The following MADD variants were observed in gnomAD, a reference collection of about 807,000 sequenced individuals.
MADD encodes the protein MAP kinase-activating death domain protein.
In MADD, 109 loss-of-function variants were observed where a neutral mutation model predicts 176.7. The observed-to-expected ratio is 0.62, with a 90% CI of 0.53 to 0.72. MADD has a LOEUF of 0.72. Ranked by LOEUF, MADD falls within the 30% of genes least tolerant of loss-of-function variation. The pLI, the probability that MADD is intolerant of heterozygous loss-of-function variation, is 0.00. For missense variants in MADD, 1,914 were observed against 2,045.5 expected, an observed-to-expected ratio of 0.94 and a Z score of 1.24; for synonymous variants, 771 against 771.3, an observed-to-expected ratio of 1.00 and a Z score of 0.01.
At chr11:47,296,088 T>TAA in intron 22 of MADD, 33 bp downstream of exon 24, 1 of 1,604,988 alleles carries the variant, frequency 6.2e-7, no homozygotes, top group South Asian at 1.1e-5. Context: ...AGAAAACCAT[T>TAA]TCTTTAATGG....
chr11:47,271,275 T>G (rs1051710905), intron 1 of MADD: 2 of 152,124 alleles, frequency 1.3e-5, no homozygotes, highest in Non-Finnish European at 2.9e-5. Flanking sequence ...GGATTTAGTC[T>G]TTAGAGGAGT....
intron 12 of MADD, 119 bp downstream of exon 12, chr11:47,284,684 C>T: frequency 1.5e-6 from 2 of 1,361,168 alleles, no homozygotes; most frequent in African/African-American, 1.5e-5. Flanking sequence ...TCATCTTCCT[C>T]TTCATGGGCC....
intron 31 of MADD, chr11:47,328,438 G>A: frequency 7.0e-7 from 1 of 1,434,854 alleles, no homozygotes; most frequent in Non-Finnish European, 9.1e-7. Flanking sequence ...GATGACAGAG[G>A]CCTAGCTGAG....
At chr11:47,326,478 T>G in intron 30 of MADD, 66 bp from the exon 34 acceptor site, 1 of 1,275,048 alleles carries the variant, frequency 7.8e-7, no homozygotes, top group Non-Finnish European at 1.0e-6. Flanking sequence ...AGCAGGGCCT[T>G]CGGGTTGGGT....
chr11:47,324,907 TC>T, intron 30 of MADD: 1 of 602,560 alleles, frequency 1.7e-6, no homozygotes, highest in Admixed American at 2.9e-5. Context: ...TCTGCCTTCC[TC>T]TATTCCCAGG....
intron 19 of MADD, chr11:47,292,562 G>A: frequency 6.2e-7 from 1 of 1,613,940 alleles, no homozygotes; most frequent in South Asian, 1.1e-5. Context: ...ACAAGCACCA[G>A]GAAGTGAAAA....
intron 32 of MADD, 139 bp downstream of exon 36, chr11:47,328,843 C>A: frequency 2.6e-6 from 3 of 1,153,896 alleles, no homozygotes; most frequent in Non-Finnish European, 3.8e-6. Flanking sequence ...TCAACTCAGG[C>A]TGAAACAGGT....
intron 27 of MADD, among the ~76,000 whole-genome samples, chr11:47,320,961 C>A (rs1330769433): frequency 6.6e-6 from 1 of 152,042 alleles, no homozygotes; most frequent in East Asian, 1.9e-4. Context: ...ATTGAATATC[C>A]TTGAACATAT....
At chr11:47,312,980 G>A (rs2090672023) in intron 26 of MADD, among the ~76,000 whole-genome samples, 1 of 152,122 alleles carries the variant, frequency 6.6e-6, no homozygotes, top group Admixed American at 6.6e-5. Context: ...TTTGTTCATT[G>A]AACATCATTT....
In MADD at chr11:47,317,290, G is replaced by C. The variant is rs118014967; in HGVS notation, c.4197+1963G>C. Among the ~76,000 whole-genome samples the C allele has an allele frequency of 2.6e-4, 39 of 152,256 alleles. No individual in the cohort carries two copies. The East Asian group carries it at 4.2e-3, about 17-fold the overall frequency. On this transcript the variant is annotated intron_variant, in intron 27 of 32. Coordinates refer to ENST00000402192, the Ensembl canonical transcript of MADD. ...ATAGTCATACTGTGAATGATGCTGTGCCTGCTTCATTTCATACATGTGCAA... is the reference window on the plus strand; with the variant it reads ...ATAGTCATACTGTGAATGATGCTGTCCCTGCTTCATTTCATACATGTGCAA...
intron 22 of MADD, 137 bp from the exon 25 acceptor site, chr11:47,308,454 T>TG: frequency 1.7e-6 from 1 of 590,246 alleles, no homozygotes. Context: ...TAAGTGGACT[T>TG]GCAGAAGCAG....
At chr11:47,309,431 A>G in intron 24 of MADD, 30 bp downstream of exon 27, 2 of 1,614,100 alleles carry the variant, frequency 1.2e-6, no homozygotes, top group Non-Finnish European at 1.7e-6. Context: ...ATTGGGAATC[A>G]GCAAACTCAG....
At chr11:47,286,672 C>T (rs1474775345) in intron 15 of MADD, 138 bp downstream of exon 15, 6 of 639,994 alleles carry the variant, frequency 9.4e-6, no homozygotes, top group East Asian at 2.7e-5. Flanking sequence ...TGGCTTTCAC[C>T]GCACATCCTG....
At chr11:47,278,943 G>T in intron 6 of MADD, 56 bp from the exon 7 acceptor site, 1 of 1,459,686 alleles carries the variant, frequency 6.9e-7, no homozygotes, top group South Asian at 1.1e-5. Context: ...TTATGTAAGT[G>T]AAATTCCTGA....
intron 7 of MADD, among the ~76,000 whole-genome samples, chr11:47,279,350 ACT>A (rs372924322): frequency 2.1e-5 from 3 of 142,574 alleles, no homozygotes. Context: ...TATGTGTGCC[ACT>A]CTCTATGGCT....
intron 30 of MADD, among the ~76,000 whole-genome samples, chr11:47,326,037 AG>A (rs2095421747): frequency 6.6e-6 from 1 of 152,222 alleles, no homozygotes; most frequent in Non-Finnish European, 1.5e-5. Context: ...AAATGGGAAA[AG>A]CACAGGCTTC....
chr11:47,288,917 AG>A, intron 15 of MADD, 50 bp from the exon 16 acceptor site: 1 of 1,292,186 alleles, frequency 7.7e-7, no homozygotes, highest in South Asian at 1.3e-5. Context: ...GGAGGGGTAG[AG>A]GGGTTGCGGT....
chr11:47,295,646 A>G lies in MADD; in HGVS notation c.3483+70A>G, dbSNP rs987380892. 2.6e-5 allele frequency: 42 copies of G among 1,606,938 alleles called. No homozygotes were observed. The Middle Eastern group carries it at 9.1e-4, about 35-fold the overall frequency. ...GATTTCCCCTTTGGAAAAGGGTGCTACTTTCTCTTTGGAGGCTGCTCTGAG... is the reference window on the plus strand; with the variant it reads ...GATTTCCCCTTTGGAAAAGGGTGCTGCTTTCTCTTTGGAGGCTGCTCTGAG... On this transcript the variant is annotated intron_variant, in intron 21 of 32. Coordinates refer to ENST00000402192, the Ensembl canonical transcript of MADD.
intron 20 of MADD, 95 bp from the exon 23 acceptor site, chr11:47,295,401 G>GC: frequency 1.1e-6 from 1 of 950,916 alleles, no homozygotes; most frequent in African/African-American, 1.6e-5. Flanking sequence ...ATAACAGAAG[G>GC]GTGGGGATGA....
Sources: gnomAD v4.1 joint callset for allele counts (sites outside exome capture counted in the v4.1 genomes callset) on GRCh38, gnomAD v4.1.1 for gene constraint, MANE v1.5 for transcripts, NCBI Gene and HGNC (gene_info 2026-07-23, HGNC 2026-07-21) for gene names.